IFFO2: variants seen among roughly 807,000 people sequenced by gnomAD.
IFFO2 encodes intermediate filament family orphan 2.
A neutral mutation model predicts 53.5 loss-of-function variants in IFFO2; 19 were observed. That is an observed-to-expected ratio of 0.36 (90% CI 0.25 to 0.52). The LOEUF (loss-of-function observed/expected upper bound fraction) is 0.52. IFFO2 is among the 20% of genes least tolerant of loss of function. The pLI, the probability that IFFO2 is intolerant of heterozygous loss-of-function variation, is 0.94. For synonymous variants in IFFO2, 303 were observed against 313.6 expected (o/e 0.97, Z 0.36); for missense variants, 570 against 727.4 (o/e 0.78, Z 2.49).
At position 18,919,680 on chromosome 1, in the gene IFFO2, C is replaced by CT. The variant is rs1936189363; in HGVS notation, c.819_820insA (p.Asp274ArgfsTer57). The CT allele has an allele frequency of 2.6e-6, 4 of 1,550,542 alleles. No individual in the cohort carries two copies. The African/African-American group carries it at 5.5e-5, about 21-fold the overall frequency. On this transcript the variant is annotated frameshift_variant, in exon 3 of 9. Transcript: ENST00000455833. LOFTEE classifies it high-confidence loss of function. This position sits in a 1 kb window ranked among gnomAD's most constrained non-coding sequence, Gnocchi z 4.9. ...CAGGGGCGGCGGGCGGCACTTACGT[C>CT]ACTCATAAGCCCCTTAAACACCACC...
intron 1 of IFFO2, among the ~76,000 whole-genome samples, chr1:18,937,627 G>C (rs986927008): frequency 1.1e-4 from 16 of 152,186 alleles, no homozygotes; most frequent in Non-Finnish European, 1.0e-4. Flanking sequence ...CCCCTCGGAG[G>C]GCATCTTTAT....
chr1:18,941,927 G>T (rs941788017), intron 1 of IFFO2, among the ~76,000 whole-genome samples: 5 of 152,184 alleles, frequency 3.3e-5, no homozygotes, highest in Admixed American at 3.3e-4. Context: ...CCCTGCACTG[G>T]ACACAGCCTT....
chr1:18,904,316 C>A lies in IFFO2; in HGVS notation c.*4245G>T, dbSNP rs1488596405. The A allele has an allele frequency of 6.6e-6, 1 of 152,026 alleles. No individual in the cohort carries two copies. Among genetic ancestry groups the A allele is most frequent in the Non-Finnish European group, 1.5e-5 (1 of 68,020 alleles). 9.4% of individuals were successfully genotyped at this position (152,026 alleles called of 1,614,324 possible). ...ACATTTCACTTTATTTAAAAGAAGC[C>A]AATATACAGGATATAAAGGGCATGA... On this transcript the variant is annotated 3_prime_UTR_variant, in exon 9 of 9. Transcript: ENST00000455833.
chr1:18,920,550 G>GT (rs1401204617), intron 2 of IFFO2, among the ~76,000 whole-genome samples: 13 of 152,232 alleles, frequency 8.5e-5, no homozygotes, highest in Non-Finnish European at 1.6e-4. Flanking sequence ...TGGGGGAGTT[G>GT]CAGAGCCCAG....
intron 2 of IFFO2, among the ~76,000 whole-genome samples, chr1:18,920,093 C>A (rs1398872652): frequency 6.6e-6 from 1 of 152,198 alleles, no homozygotes; most frequent in African/African-American, 2.4e-5. Flanking sequence ...ATTGGGCCAT[C>A]TCTGCTTTCA....
intron 1 of IFFO2, among the ~76,000 whole-genome samples, chr1:18,926,102 AT>A (rs58673954): frequency 2.7e-4 from 12 of 44,044 alleles, no homozygotes; most frequent in East Asian, 1.3e-3. Context: ...GGATGGATGG[AT>A]TGGTTGGATG....
Position 18,947,354 on chromosome 1 carries a change from G to A in IFFO2, c.665+8314C>T, listed in dbSNP as rs1011703681. 2.0e-5 allele frequency among the ~76,000 whole-genome samples: 3 copies of A among 152,172 alleles called. No homozygotes were observed. The highest frequency in any genetic ancestry group is 4.8e-5 in the African/African-American group (2 of 41,446). On this transcript the variant is annotated intron_variant, in intron 1 of 8. Transcript: ENST00000455833. The surrounding 1 kb of genome is among the most constrained non-coding windows in gnomAD (Gnocchi z 5.0). ...TGTGCCCTGAGGACACTCAGGGGCCGGGCAAGATAAATGGAGCATTAATTG... is the reference window on the plus strand; with the variant it reads ...TGTGCCCTGAGGACACTCAGGGGCCAGGCAAGATAAATGGAGCATTAATTG...
chr1:18,919,381 G>A lies in IFFO2; in HGVS notation c.822+297C>T, dbSNP rs1296145347. On this transcript the variant is annotated intron_variant, in intron 3 of 8. Transcript: ENST00000455833. The surrounding 1 kb of genome is among the most constrained non-coding windows in gnomAD (Gnocchi z 4.9). ...GGCCTGCCCTCATCAAGGCGAGCTG[G>A]GAAGGAGTGGGAGCAAACACACACA... Among the ~76,000 whole-genome samples, 1 of 152,154 alleles carries A rather than the reference G, an allele frequency of 6.6e-6. No homozygotes were observed. Among genetic ancestry groups the A allele is most frequent in the Non-Finnish European group, 1.5e-5 (1 of 68,038 alleles).
intron 1 of IFFO2, among the ~76,000 whole-genome samples, chr1:18,943,563 C>T (rs1486220403): frequency 6.6e-6 from 1 of 152,202 alleles, no homozygotes; most frequent in African/African-American, 2.4e-5. Flanking sequence ...CAGGGCTTAA[C>T]CCAGAGATAA....
At chr1:18,910,497 G>A (rs1045303535) in intron 7 of IFFO2, 25 bp from the exon 8 acceptor site, 7 of 1,597,936 alleles carry the variant, frequency 4.4e-6, no homozygotes, top group South Asian at 2.3e-5. Context: ...TGAGGAATAA[G>A]GGTGAGGGCA....
intron 1 of IFFO2, among the ~76,000 whole-genome samples, chr1:18,950,569 C>G (rs530954642): frequency 3.3e-5 from 5 of 152,198 alleles, no homozygotes; most frequent in Non-Finnish European, 7.3e-5. Context: ...GATGCAAAAC[C>G]CTTTTCCACC....
chr1:18,935,865 T>C lies in IFFO2; in HGVS notation c.666-14744A>G, dbSNP rs1229580344. ...CCACCACACCTGGCTAATTTTTCTA[T>C]TTTTTTTTTTTTTTTTTTTTTTGTA... On this transcript the variant is annotated intron_variant, in intron 1 of 8. Transcript: ENST00000455833. Among the ~76,000 whole-genome samples the C allele has an allele frequency of 7.6e-5, 7 of 91,612 alleles. No individual in the cohort carries two copies. In the East Asian group the frequency reaches 2.3e-3, roughly 30 times the overall value. The allele number at this position is 91,612 out of a possible 152,430, so 60.1% of individuals were successfully genotyped here. A position where few individuals can be genotyped will look rare whatever the true frequency, so the allele number is the denominator to read the frequency against.
intron 1 of IFFO2, among the ~76,000 whole-genome samples, chr1:18,925,660 T>G (rs1936273000): frequency 6.6e-6 from 1 of 152,252 alleles, no homozygotes; most frequent in Non-Finnish European, 1.5e-5. Context: ...CCCAGAGAGC[T>G]GGTTATGATG....
At chr1:18,924,318 C>T (rs1376292988) in intron 1 of IFFO2, among the ~76,000 whole-genome samples, 4 of 142,580 alleles carry the variant, frequency 2.8e-5, no homozygotes, top group African/African-American at 1.0e-4. Flanking sequence ...AACTGGTGAA[C>T]CAAGTTGCTG....
intron 1 of IFFO2, among the ~76,000 whole-genome samples, chr1:18,930,547 A>T (rs1365707783): frequency 6.6e-6 from 1 of 152,102 alleles, no homozygotes; most frequent in East Asian, 1.9e-4. Context: ...CACCGTCCAC[A>T]CCCCATAGAC....
intron 1 of IFFO2, among the ~76,000 whole-genome samples, chr1:18,922,438 G>C (rs1417660745): frequency 6.6e-6 from 1 of 152,184 alleles, no homozygotes; most frequent in African/African-American, 2.4e-5. Flanking sequence ...AGAGGGGAGG[G>C]AGGGGTGGAG....
chr1:18,946,157 A>G (rs2148189274), intron 1 of IFFO2, among the ~76,000 whole-genome samples: 1 of 152,308 alleles, frequency 6.6e-6, no homozygotes, highest in African/African-American at 2.4e-5. Flanking sequence ...GGTAGAGCTC[A>G]GGGCTCCCAA....
At chr1:18,941,017 C>A (rs1434244113) in intron 1 of IFFO2, among the ~76,000 whole-genome samples, 2 of 152,172 alleles carry the variant, frequency 1.3e-5, no homozygotes, top group African/African-American at 4.8e-5. Context: ...ATCTTGGAAG[C>A]CAAAGAGACC....
intron 5 of IFFO2, 107 bp from the exon 6 acceptor site, chr1:18,912,190 T>C: frequency 5.1e-6 from 7 of 1,385,908 alleles, no homozygotes; most frequent in Non-Finnish European, 5.9e-6. Context: ...GCTTCAAGGC[T>C]GTCCTCAGGA....
Sources: gnomAD v4.1 joint callset for allele counts (sites outside exome capture counted in the v4.1 genomes callset) on GRCh38, gnomAD v4.1.1 for gene constraint, Gnocchi (gnomAD v3.1) non-coding constraint, MANE v1.5 for transcripts, NCBI Gene and HGNC (gene_info 2026-07-23, HGNC 2026-07-21) for gene names.